The following CFAP46 variants were observed in gnomAD, a reference collection of about 807,000 sequenced individuals.
CFAP46 encodes cilia- and flagella-associated protein 46.
Under a neutral mutation model 325.7 loss-of-function variants are expected in CFAP46, and 245 were observed. The ratio of observed to expected loss-of-function variants is 0.75; its 90% confidence interval spans 0.68 to 0.84. The LOEUF (loss-of-function observed/expected upper bound fraction) is 0.84, where lower values mean the gene tolerates loss of function less well. Ranked by LOEUF, CFAP46 falls within the 40% of genes least tolerant of loss-of-function variation. The pLI is 0.00. For synonymous variants in CFAP46, 1,523 were observed against 1,495.9 expected (o/e 1.02, Z -0.42); for missense variants, 3,346 against 3,543.0 (o/e 0.94, Z 1.41).
intron 44 of CFAP46, among the ~76,000 whole-genome samples, chr10:132,844,330 G>A (rs868598757): frequency 1.4e-4 from 21 of 152,166 alleles, no homozygotes; most frequent in African/African-American, 4.8e-4. Flanking sequence ...GCTGATTTCC[G>A]AATTGCCCAG....
At chr10:132,908,701 C>T in intron 21 of CFAP46, 67 bp from the exon 22 acceptor site, 1 of 1,458,678 alleles carries the variant, frequency 6.9e-7, no homozygotes, top group Non-Finnish European at 9.1e-7. Flanking sequence ...GCCTGCAGCC[C>T]CCACGGACCA....
chr10:132,907,995 C>A (rs1367936541), intron 22 of CFAP46, among the ~76,000 whole-genome samples: 1 of 152,240 alleles, frequency 6.6e-6, no homozygotes, highest in Non-Finnish European at 1.5e-5. Flanking sequence ...CCCTTTGTCC[C>A]AGCCTCTGAA....
rs536777357 is a variant in CFAP46, at chr10:132,812,809, T to C, written c.7477A>G (p.Arg2493Gly). 3.7e-6 allele frequency: 6 copies of C among 1,612,226 alleles called. No individual in the cohort carries two copies. The South Asian group carries it at 6.6e-5, about 18-fold the overall frequency. ...CCTTGCAAGTTCATGGCGACCAATC[T>C]CTCCACTAATATATGGGACAGGAAG... is the stretch of plus-strand genomic sequence containing the variant. ...ESFLSHILVE[R>G]LVAMNLQECQ... is the part of the protein sequence containing the mutation. Residue 2493 changes from arginine (R) to glycine (G), a missense_variant, in exon 55 of 58, where the codon AGA becomes GGA. Physicochemically the swap from Arg to Gly is moderately radical, Grantham distance 125. Transcript: ENST00000368586.
intron 49 of CFAP46, 103 bp from the exon 50 acceptor site, chr10:132,833,628 G>T: frequency 2.3e-6 from 3 of 1,289,182 alleles, no homozygotes; most frequent in Non-Finnish European, 2.2e-6. Flanking sequence ...GCTGGGAAAG[G>T]CTGGCAGCCC....
chr10:132,862,538 A>G (rs1848737732), intron 35 of CFAP46, among the ~76,000 whole-genome samples: 1 of 151,990 alleles, frequency 6.6e-6, no homozygotes, highest in South Asian at 2.1e-4. Flanking sequence ...TGGGCAGTAC[A>G]ACAATAGTCA....
rs892899226 is a variant in CFAP46 at position 132,832,750 on chromosome 10, G to A, written c.7117+608C>T. Reference sequence around the variant, plus strand: ...TCAGTCACAGAATGTCATCACCCCCGAATCCCAGCCGAGGTCAGGGCCTTC... The same window carrying A: ...TCAGTCACAGAATGTCATCACCCCCAAATCCCAGCCGAGGTCAGGGCCTTC... On this transcript the variant is annotated intron_variant, in intron 50 of 57. Transcript: ENST00000368586. This position sits in a 1 kb window ranked among gnomAD's most constrained non-coding sequence, Gnocchi z 4.1. 7 of 471,142 alleles carry A rather than the reference G, an allele frequency of 1.5e-5. No homozygotes were observed. Among genetic ancestry groups the A allele is most frequent in the Admixed American group, 4.7e-5 (2 of 42,562 alleles). The allele number at this position is 471,142 out of a possible 1,614,324, so 29.2% of individuals were successfully genotyped here.
At chr10:132,875,343 T>C (rs1002310969) in intron 31 of CFAP46, among the ~76,000 whole-genome samples, 3 of 152,230 alleles carry the variant, frequency 2.0e-5, no homozygotes, top group Non-Finnish European at 4.4e-5. Flanking sequence ...TTCAATGCAA[T>C]GTCAGTAAAA....
Position 132,817,478 on chromosome 10 carries a change from CTTTATT to C in CFAP46, c.7118-2570_7118-2565del, listed in dbSNP as rs1386555119. 2.0e-5 allele frequency among the ~76,000 whole-genome samples: 3 copies of C among 152,180 alleles called. No individual in the cohort carries two copies. The highest frequency in any genetic ancestry group is 4.4e-5 in the Non-Finnish European group (3 of 68,034). On this transcript the variant is annotated intron_variant, in intron 50 of 57. Coordinates refer to ENST00000368586, the MANE Select transcript of CFAP46 (RefSeq NM_001200049.3). The surrounding 1 kb of genome is among the most constrained non-coding windows in gnomAD (Gnocchi z 4.4). The stretch of plus-strand genomic sequence containing the variant: ...TGGGCCAACTTCTACCATCTTACTA[CTTTATT>C]TTTATTTGTCCTGGTTTTCTACCTG...
Position 132,922,494 on chromosome 10 carries a change from T to C in CFAP46, c.1471A>G (p.Met491Val), listed in dbSNP as rs1675983082. The change falls in exon 12 of 58, where the codon ATG (methionine) becomes GTG (valine). Residue 491 changes from methionine (M) to valine (V), a missense_variant. Coordinates refer to ENST00000368586, the MANE Select transcript of CFAP46 (RefSeq NM_001200049.3). Reference protein sequence around the residue: ...APERAEDKAIMAVEQAKKATP... With the variant: ...APERAEDKAIVAVEQAKKATP... ...CGGGGCGGCACCTGCTCAACGGCCA[T>C]GATGGCCTTGTCCTCTGCGCGCTCA... 2.0e-6 allele frequency: 3 copies of C among 1,535,446 alleles called. No homozygotes were observed. Among genetic ancestry groups the C allele is most frequent in the East Asian group, 2.5e-5 (1 of 40,556 alleles).
At position 132,934,711 on chromosome 10, in the gene CFAP46, C is replaced by T. The variant is rs375354889; in HGVS notation, c.866+41G>A. 4.6e-5 allele frequency: 60 copies of T among 1,309,214 alleles called. 2 individuals carry two copies. Among genetic ancestry groups the T allele is most frequent in the African/African-American group, 4.0e-4 (27 of 68,104 alleles). The allele number at this position is 1,309,214 out of a possible 1,614,324, so 81.1% of individuals were successfully genotyped here. ...TCAGTGCCTGCTAAATTTTGTACAA[C>T]GATTATGAAGATGTGATATTGGAAA... On this transcript the variant is annotated intron_variant, in intron 8 of 57. Coordinates refer to ENST00000368586, the MANE Select transcript of CFAP46 (RefSeq NM_001200049.3).
intron 57 of CFAP46, 86 bp downstream of exon 57, chr10:132,810,323 T>G: frequency 8.8e-7 from 1 of 1,132,042 alleles, no homozygotes; most frequent in South Asian, 1.2e-5. Context: ...CACCTGTCCC[T>G]GCAGGGCTGT....
Position 132,879,516 on chromosome 10 carries a change from G to A in CFAP46, c.3915C>T (p.His1305=), listed in dbSNP as rs1849006666. The change falls in exon 29 of 58, where the codon CAC becomes CAT. Residue 1305 remains histidine (H), a synonymous_variant. Transcript: ENST00000368586. ...VRQLEALARV[H]ILLALVLSPG... is the part of the protein sequence containing the mutation. ...GCGACAGCACCAGGGCCAGCAGGAT[G>A]TGCACGCGGGCCAGCGCCTCCAGCT... The A allele has an allele frequency of 1.3e-6, 2 of 1,547,232 alleles. No individual in the cohort carries two copies. The highest frequency in any genetic ancestry group is 1.4e-5 in the African/African-American group (1 of 72,980).
chr10:132,903,981 T>G (rs1849423369), intron 22 of CFAP46, among the ~76,000 whole-genome samples: 1 of 152,208 alleles, frequency 6.6e-6, no homozygotes, highest in Non-Finnish European at 1.5e-5. Context: ...CAGTCACAAT[T>G]GAGAATATGA....
At chr10:132,861,433 C>T (rs577813636) in intron 35 of CFAP46, among the ~76,000 whole-genome samples, 6 of 152,358 alleles carry the variant, frequency 3.9e-5, no homozygotes, top group Non-Finnish European at 7.4e-5. Flanking sequence ...ACTTCGTCCC[C>T]GGAGCCTCCT....
intron 9 of CFAP46, among the ~76,000 whole-genome samples, chr10:132,927,529 G>A (rs936582790): frequency 6.6e-5 from 10 of 152,326 alleles, no homozygotes; most frequent in African/African-American, 1.2e-4. Context: ...GATGGAGAGC[G>A]CAGGAGGCCA....
chr10:132,900,147 T>A (rs923766463), intron 22 of CFAP46, among the ~76,000 whole-genome samples: 1 of 152,180 alleles, frequency 6.6e-6, no homozygotes, highest in South Asian at 2.1e-4. Flanking sequence ...TTTTAATGAC[T>A]AATCTTTAGA....
Position 132,909,233 on chromosome 10 carries a change from C to T in CFAP46, c.2661G>A (p.Glu887=). 1 of 1,550,338 alleles carries T rather than the reference C, an allele frequency of 6.5e-7. No individual in the cohort carries two copies. Among genetic ancestry groups the T allele is most frequent in the Non-Finnish European group, 8.7e-7 (1 of 1,146,880 alleles). ...GGACTCTGGTCACCGAGCTGACATC[C>T]TCATTGGTGCCCTGGTGGGGAGGAT... The part of the protein sequence containing the change: ...RLGTEEQGTN[E]DVSSVTRVLV... Residue 887 remains glutamate, a synonymous_variant, in exon 21 of 58, where the codon GAG becomes GAA. Coordinates refer to ENST00000368586, the MANE Select transcript of CFAP46 (RefSeq NM_001200049.3).
intron 9 of CFAP46, among the ~76,000 whole-genome samples, chr10:132,926,872 G>GC (rs1445881315): frequency 2.6e-5 from 4 of 152,248 alleles, no homozygotes. Flanking sequence ...CTGCCTGCGG[G>GC]CCCCACCACC....
In CFAP46 at chr10:132,885,812, A is replaced by T; in HGVS notation, c.3443+9T>A. On this transcript the variant is annotated intron_variant, in intron 26 of 57. Coordinates refer to ENST00000368586, the MANE Select transcript of CFAP46 (RefSeq NM_001200049.3). ...GGGAGCACTCACAGGCGGTGGGGGG[A>T]GCACTCACAGGCGGTGGGCCGTCCT... The T allele has an allele frequency of 6.5e-7, 1 of 1,541,704 alleles. No individual in the cohort carries two copies. The highest frequency in any genetic ancestry group is 2.0e-5 in the Admixed American group (1 of 50,526).
Sources: gnomAD v4.1 joint callset for allele counts (sites outside exome capture counted in the v4.1 genomes callset) on GRCh38, gnomAD v4.1.1 for gene constraint, Gnocchi (gnomAD v3.1) non-coding constraint, MANE v1.5 for transcripts, NCBI Gene and HGNC (gene_info 2026-07-23, HGNC 2026-07-21) for gene names.